The following AIRE variants were observed in gnomAD, a reference collection of about 807,000 sequenced individuals.
The protein encoded by AIRE is autoimmune regulator, also known as autoimmune polyendocrinopathy candidiasis ectodermal dystrophy protein.
A neutral mutation model predicts 62.1 loss-of-function variants in AIRE; 52 were observed. The observed-to-expected ratio is 0.84, with a 90% confidence interval of 0.67 to 1.06. The LOEUF (loss-of-function observed/expected upper bound fraction) is 1.06. Among genes scored for constraint, AIRE ranks in the 50% least tolerant of loss-of-function variants. AIRE has a pLI of 0.00. For missense variants in AIRE, 774 were observed against 755.8 expected (o/e 1.02, Z -0.28); for synonymous variants, 342 against 321.6 (o/e 1.06, Z -0.68).
At chr21:44,290,118 G>A (rs747570743) in intron 7 of AIRE, 50 bp downstream of exon 7, 26 of 1,581,972 alleles carry the variant, frequency 1.6e-5, no homozygotes, top group African/African-American at 1.2e-4. Context: ...TGCTCCCCTC[G>A]GGTGGGTCCT....
Position 44,297,542 on chromosome 21 carries a change from C to T in AIRE, c.1567-114C>T. 1 of 1,027,660 alleles carries T rather than the reference C, an allele frequency of 9.7e-7. No individual in the cohort carries two copies. Among genetic ancestry groups the T allele is most frequent in the Non-Finnish European group, 1.5e-6 (1 of 673,564 alleles). The allele number at this position is 1,027,660 out of a possible 1,614,324, so 63.7% of individuals were successfully genotyped here. On this transcript the variant is annotated intron_variant, in intron 13 of 13. Transcript: ENST00000291582. This position sits in a 1 kb window ranked among gnomAD's most constrained non-coding sequence, Gnocchi z 4.8. Reference sequence around the variant, plus strand: ...CCATGGGGCCTCGGGCCTCAGTTTCCCCACCTTTGACTTAGAGGGAAGGTT... The same window carrying T: ...CCATGGGGCCTCGGGCCTCAGTTTCTCCACCTTTGACTTAGAGGGAAGGTT...
chr21:44,286,047 A>G lies in AIRE; in HGVS notation c.41A>G (p.His14Arg). ...GCGCTACGCCGGCTTCTGAGGCTGC[A>G]CCGCACGGAGATCGCGGTGGCCGTG... ...DAALRRLLRL[H>R]RTEIAVAVDS... The change falls in exon 1 of 14, where the codon CAC becomes CGC. Residue 14 changes from histidine (H) to arginine (R), a missense_variant. Coordinates refer to ENST00000291582, the MANE Select transcript of AIRE (RefSeq NM_000383.4). This position sits in a 1 kb window ranked among gnomAD's most constrained non-coding sequence, Gnocchi z 6.0. The G allele has an allele frequency of 1.9e-6, 3 of 1,539,388 alleles. No individual in the cohort carries two copies. The highest frequency in any genetic ancestry group is 2.4e-5 in the South Asian group (2 of 83,966).
chr21:44,286,148 C>CCG lies in AIRE; in HGVS notation c.132+12_132+13dup. 6.5e-7 allele frequency: 1 copy of CCG among 1,544,944 alleles called. No individual in the cohort carries two copies. The highest frequency in any genetic ancestry group is 8.7e-7 in the Non-Finnish European group (1 of 1,145,690). On this transcript the variant is annotated intron_variant, in intron 1 of 13. Coordinates refer to ENST00000291582, the MANE Select transcript of AIRE (RefSeq NM_000383.4). The surrounding 1 kb of genome is among the most constrained non-coding windows in gnomAD (Gnocchi z 6.0). ...CGAGGACAAGTTTCAGGTGGGCTCC[C>CCG]CGCCCGCCCCCCGCTGCCCCCAGGC...
Position 44,297,525 on chromosome 21 carries a change from C to A in AIRE, c.1567-131C>A. On this transcript the variant is annotated intron_variant, in intron 13 of 13. Coordinates refer to ENST00000291582, the MANE Select transcript of AIRE (RefSeq NM_000383.4). This position sits in a 1 kb window ranked among gnomAD's most constrained non-coding sequence, Gnocchi z 4.8. ...CCCCAGACTGGCCTGTGCCATGGGG[C>A]CTCGGGCCTCAGTTTCCCCACCTTT... 1.2e-6 allele frequency: 1 copy of A among 821,844 alleles called. No homozygotes were observed. Among genetic ancestry groups the A allele is most frequent in the Non-Finnish European group, 2.0e-6 (1 of 492,064 alleles). 50.9% of individuals were successfully genotyped at this position (821,844 alleles called of 1,614,324 possible). A position where few individuals can be genotyped will look rare whatever the true frequency, so the allele number is the denominator to read the frequency against.
In AIRE at chr21:44,289,674, A is replaced by G; in HGVS notation, c.670A>G (p.Ile224Val). The G allele has an allele frequency of 6.2e-7, 1 of 1,612,548 alleles. No individual in the cohort carries two copies. Among genetic ancestry groups the G allele is most frequent in the Non-Finnish European group, 8.5e-7 (1 of 1,179,902 alleles). The change falls in exon 6 of 14, where the codon ATC (isoleucine) becomes GTC (valine). Residue 224 changes from isoleucine to valine, a missense_variant. Ile to Val is a conservative substitution (Grantham distance 29). Coordinates refer to ENST00000291582, the MANE Select transcript of AIRE (RefSeq NM_000383.4). ...VFESGGSKKC[I>V]QVGGEFYTPS... ...CCTCCCAGGCGGCTCCAAGAAGTGC[A>G]TCCAGGTTGGCGGGGAGTTCTACAC...
chr21:44,295,017 A>C (rs2040591318), intron 12 of AIRE, among the ~76,000 whole-genome samples: 1 of 152,172 alleles, frequency 6.6e-6, no homozygotes, highest in Non-Finnish European at 1.5e-5. Flanking sequence ...GGTGGCGCGG[A>C]GACCCCTGAC....
chr21:44,290,877 TAGGG>T, intron 7 of AIRE: 1 of 1,606,174 alleles, frequency 6.2e-7, no homozygotes. Flanking sequence ...TTCTTCCCAA[TAGGG>T]ATGGCCCCGG....
At chr21:44,296,644 C>T (rs1158555122) in intron 13 of AIRE, among the ~76,000 whole-genome samples, 199 bp downstream of exon 13, 1 of 144,734 alleles carries the variant, frequency 6.9e-6, no homozygotes, top group Admixed American at 7.0e-5. Context: ...CCCCCCTAGC[C>T]CCCTTGCAGG....
intron 5 of AIRE, chr21:44,289,361 A>G (rs978871241): frequency 6.7e-6 from 3 of 450,176 alleles, no homozygotes; most frequent in Non-Finnish European, 1.2e-5. Context: ...CATTGAACTT[A>G]TGGTCCAGTG....
rs56363875 is a variant in AIRE at position 44,287,433 on chromosome 21, C to T, written c.464-84C>T. 5.1e-3 allele frequency: 5,034 copies of T among 977,852 alleles called. 43 individuals carry two copies. The highest frequency in any genetic ancestry group is 0.02 in the South Asian group (1,395 of 71,004). The allele number at this position is 977,852 out of a possible 1,614,324, so 60.6% of individuals were successfully genotyped here. A position where few individuals can be genotyped will look rare whatever the true frequency, so the allele number is the denominator to read the frequency against. ...ACCCAGCACTGGACCGCCCCCTCCACGCCCTCCCACCGCGGGCCCCTGCCC... is the reference window on the plus strand; with the variant it reads ...ACCCAGCACTGGACCGCCCCCTCCATGCCCTCCCACCGCGGGCCCCTGCCC... On this transcript the variant is annotated intron_variant, in intron 3 of 13. Transcript: ENST00000291582. The surrounding 1 kb of genome is among the most constrained non-coding windows in gnomAD (Gnocchi z 4.3).
At chr21:44,296,344 T>C in intron 12 of AIRE, 39 bp from the exon 13 acceptor site, 1 of 1,577,784 alleles carries the variant, frequency 6.3e-7, no homozygotes, top group Non-Finnish European at 8.7e-7. Flanking sequence ...ACCAGGGCTG[T>C]GGGAGTTGGG....
Position 44,288,323 on chromosome 21 carries a change from C to T in AIRE, c.539-22C>T, listed in dbSNP as rs372339585. The T allele has an allele frequency of 2.8e-5, 43 of 1,548,038 alleles. No individual in the cohort carries two copies. The African/African-American group carries it at 5.2e-4, about 19-fold the overall frequency. ...GAACAGTCTTCCCCACGGGTGACCCCAATGGGTGTTCCCTTTCCCAGGGAT... is the reference window on the plus strand; with the variant it reads ...GAACAGTCTTCCCCACGGGTGACCCTAATGGGTGTTCCCTTTCCCAGGGAT... On this transcript the variant is annotated intron_variant, in intron 4 of 13. Transcript: ENST00000291582.
chr21:44,297,785 T>C lies in AIRE; in HGVS notation c.*58T>C. On this transcript the variant is annotated 3_prime_UTR_variant, in exon 14 of 14. Transcript: ENST00000291582. This position sits in a 1 kb window ranked among gnomAD's most constrained non-coding sequence, Gnocchi z 4.8. ...GAGAGTGCTGAGAAGGACACCTCCT[T>C]CCTCAGTCCTGGAAGCCGGCCGGCT... The C allele has an allele frequency of 2.0e-6, 3 of 1,532,246 alleles. No individual in the cohort carries two copies. Among genetic ancestry groups the C allele is most frequent in the Non-Finnish European group, 1.8e-6 (2 of 1,110,828 alleles). The allele number at this position is 1,532,246 out of a possible 1,614,324, so 94.9% of individuals were successfully genotyped here.
chr21:44,296,631 G>A (rs1348544613), intron 13 of AIRE, among the ~76,000 whole-genome samples, 186 bp downstream of exon 13: 2 of 146,940 alleles, frequency 1.4e-5, no homozygotes, highest in Admixed American at 1.4e-4. Context: ...CCCCCCACAG[G>A]AGCCCCCCTA....
Position 44,298,311 on chromosome 21 carries a change from CCT to C in AIRE, c.*585_*586del. On this transcript the variant is annotated 3_prime_UTR_variant, in exon 14 of 14. Coordinates refer to ENST00000291582, the MANE Select transcript of AIRE (RefSeq NM_000383.4). ...CTCACTCCCCATTCCCCTCCCAACC[CCT>C]GGCACCCTCCACTCTACTTTCTGTC... The C allele has an allele frequency of 5.7e-6, 1 of 174,144 alleles. No individual in the cohort carries two copies. Among genetic ancestry groups the C allele is most frequent in the East Asian group, 1.6e-4 (1 of 6,234 alleles). 10.8% of individuals were successfully genotyped at this position (174,144 alleles called of 1,614,324 possible).
In AIRE at chr21:44,287,669, C is replaced by G. The variant is rs540319818; in HGVS notation, c.538+78C>G. ...GTCAGGGGTCAGAGCAGGGCCTGCCCTCTGAGACCCTGTCCTAGGGGCTGG... is the reference window on the plus strand; with the variant it reads ...GTCAGGGGTCAGAGCAGGGCCTGCCGTCTGAGACCCTGTCCTAGGGGCTGG... On this transcript the variant is annotated intron_variant, in intron 4 of 13. Transcript: ENST00000291582. The surrounding 1 kb of genome is among the most constrained non-coding windows in gnomAD (Gnocchi z 4.3). 3.1e-5 allele frequency: 43 copies of G among 1,396,802 alleles called. No homozygotes were observed. The African/African-American group carries it at 5.1e-4, about 17-fold the overall frequency. 86.5% of individuals were successfully genotyped at this position (1,396,802 alleles called of 1,614,324 possible). A position where few individuals can be genotyped will look rare whatever the true frequency, so the allele number is the denominator to read the frequency against.
chr21:44,290,371 C>T, intron 7 of AIRE: 1 of 985,422 alleles, frequency 1.0e-6, no homozygotes, highest in Non-Finnish European at 1.2e-6. Flanking sequence ...CCTGCTATAG[C>T]CAGGAGGTCA....
intron 7 of AIRE, chr21:44,290,685 C>T: frequency 7.7e-7 from 1 of 1,290,874 alleles, no homozygotes; most frequent in Non-Finnish European, 1.0e-6. Flanking sequence ...CCTGAAGGCA[C>T]AGCAGGCACC....
chr21:44,286,725 C>T lies in AIRE; in HGVS notation c.301C>T (p.Pro101Ser), dbSNP rs540930014. ...GRLQPILDSF[P>S]KDVDLSQPRK... The stretch of plus-strand genomic sequence containing the variant: ...GCTGCAGCCCATCCTGGACAGCTTC[C>T]CCAAAGGTGGGTCCTGGTGGACTCA... Residue 101 changes from proline to serine, a missense_variant, in exon 2 of 14, where the codon CCC becomes TCC. By Grantham distance (74) the Pro-to-Ser change is moderately conservative (BLOSUM62 -1). This residue lies in a region of AIRE where 385 missense variants were observed against 396.0 expected (regional missense o/e 0.97). Transcript: ENST00000291582. This position sits in a 1 kb window ranked among gnomAD's most constrained non-coding sequence, Gnocchi z 6.0. The T allele has an allele frequency of 7.4e-6, 12 of 1,612,906 alleles. No homozygotes were observed. Among genetic ancestry groups the T allele is most frequent in the Non-Finnish European group, 9.3e-6 (11 of 1,179,972 alleles).
Sources: gnomAD v4.1 joint callset for allele counts (sites outside exome capture counted in the v4.1 genomes callset) on GRCh38, gnomAD v4.1.1 for gene constraint, gnomAD v4.1.1 regional missense constraint, Gnocchi (gnomAD v3.1) non-coding constraint, MANE v1.5 for transcripts, NCBI Gene and HGNC (gene_info 2026-07-23, HGNC 2026-07-21) for gene names.